The following BRINP2 variants were observed in gnomAD, a reference collection of about 807,000 sequenced individuals.
BRINP2 encodes the protein BMP/retinoic acid inducible neural specific 2.
A neutral mutation model predicts 69.2 loss-of-function variants in BRINP2; 21 were observed. The observed-to-expected ratio is 0.30, with a 90% CI of 0.22 to 0.44. BRINP2 has a LOEUF of 0.44. Among genes scored for constraint, BRINP2 ranks in the 20% least tolerant of loss-of-function variants. BRINP2 has a pLI of 1.00. For synonymous variants in BRINP2, 380 were observed against 394.1 expected, an observed-to-expected ratio of 0.96 and a Z score of 0.42; for missense variants, 877 against 986.0, an observed-to-expected ratio of 0.89 and a Z score of 1.48.
intron 2 of BRINP2, among the ~76,000 whole-genome samples, chr1:177,235,330 A>G (rs1183761922): frequency 1.3e-5 from 2 of 152,208 alleles, no homozygotes. Flanking sequence ...TGTACTGGAA[A>G]GACAGCATCC....
intron 2 of BRINP2, among the ~76,000 whole-genome samples, chr1:177,246,921 C>T (rs953581826): frequency 2.5e-4 from 38 of 152,138 alleles, no homozygotes; most frequent in Non-Finnish European, 2.9e-4. Context: ...GGAAATACTG[C>T]CTCTGTATTG....
intron 1 of BRINP2, among the ~76,000 whole-genome samples, chr1:177,223,532 G>A (rs1283874815): frequency 1.3e-5 from 2 of 152,174 alleles, no homozygotes; most frequent in African/African-American, 4.8e-5. Context: ...GGCAAGTGAG[G>A]TTAAGGAGAG....
At chr1:177,188,808 A>G (rs1029825373) in intron 1 of BRINP2, among the ~76,000 whole-genome samples, 1 of 123,798 alleles carries the variant, frequency 8.1e-6, no homozygotes, top group Non-Finnish European at 1.6e-5. Flanking sequence ...TTAAGAATTC[A>G]GTAATTGTTT....
At chr1:177,232,221 C>G (rs542576251) in intron 2 of BRINP2, among the ~76,000 whole-genome samples, 1 of 152,336 alleles carries the variant, frequency 6.6e-6, no homozygotes, top group South Asian at 2.1e-4. Context: ...CTCTCAGCTT[C>G]CTTATCCCCT....
chr1:177,239,388 C>T (rs1457259484), intron 2 of BRINP2, among the ~76,000 whole-genome samples: 2 of 152,208 alleles, frequency 1.3e-5, no homozygotes, highest in Non-Finnish European at 2.9e-5. Context: ...CGATGTAAAT[C>T]GAATTTCTGT....
intron 1 of BRINP2, among the ~76,000 whole-genome samples, chr1:177,179,063 A>G (rs763865901): frequency 3.9e-5 from 6 of 152,206 alleles, no homozygotes; most frequent in Non-Finnish European, 7.3e-5. Context: ...CTTGCCCAAG[A>G]CCACACAGCT....
At chr1:177,269,519 A>G (rs888745163) in intron 4 of BRINP2, among the ~76,000 whole-genome samples, 1 of 152,200 alleles carries the variant, frequency 6.6e-6, no homozygotes, top group African/African-American at 2.4e-5. Context: ...GGTGGACCCC[A>G]GGATGGAAAA....
At chr1:177,240,404 T>C (rs1337897529) in intron 2 of BRINP2, among the ~76,000 whole-genome samples, 2 of 152,216 alleles carry the variant, frequency 1.3e-5, no homozygotes, top group African/African-American at 4.8e-5. Flanking sequence ...ACATGCTGCA[T>C]ACATGGATTG....
At chr1:177,262,533 A>G (rs747549956) in intron 4 of BRINP2, among the ~76,000 whole-genome samples, 4 of 151,178 alleles carry the variant, frequency 2.6e-5, no homozygotes, top group Non-Finnish European at 5.9e-5. Context: ...AAGCCTCCAT[A>G]GAGAGGGAGA....
chr1:177,209,612 C>T (rs768042991), intron 1 of BRINP2, among the ~76,000 whole-genome samples: 12 of 152,260 alleles, frequency 7.9e-5, no homozygotes, highest in South Asian at 4.2e-4. Flanking sequence ...ACCCCAGCTC[C>T]GCCTCACGCA....
At chr1:177,176,382 C>G (rs913685024) in intron 1 of BRINP2, among the ~76,000 whole-genome samples, 1 of 152,032 alleles carries the variant, frequency 6.6e-6, no homozygotes, top group Non-Finnish European at 1.5e-5. Context: ...TTTTAATCTT[C>G]ATTACATGTT....
chr1:177,217,540 TC>T (rs1172695058), intron 1 of BRINP2, among the ~76,000 whole-genome samples: 2 of 152,208 alleles, frequency 1.3e-5, no homozygotes, highest in African/African-American at 4.8e-5. Context: ...TTTGTCACTT[TC>T]TTTTGGAGGT....
chr1:177,239,104 G>C (rs191515038), intron 2 of BRINP2, among the ~76,000 whole-genome samples: 1 of 152,292 alleles, frequency 6.6e-6, no homozygotes, highest in Middle Eastern at 3.4e-3. Context: ...ACAGTGTCTC[G>C]GGTTGTCACT....
In BRINP2 at chr1:177,216,643, A is replaced by G. The variant is rs191442269; in HGVS notation, c.-76-13158A>G. Reference sequence around the variant, plus strand: ...TTAGCATCTTTTAGTTTCAGTTAAAAGAACTCTCTTTTGCAATTCCTGCAA... The same window carrying G: ...TTAGCATCTTTTAGTTTCAGTTAAAGGAACTCTCTTTTGCAATTCCTGCAA... On this transcript the variant is annotated intron_variant, in intron 1 of 7. Transcript: ENST00000361539. Among the ~76,000 whole-genome samples the G allele has an allele frequency of 3.5e-3, 408 of 116,338 alleles. 2 individuals carry two copies. The highest frequency in any genetic ancestry group is 0.013 in the African/African-American group (394 of 30,096). 76.3% of individuals were successfully genotyped at this position (116,338 alleles called of 152,430 possible).
At chr1:177,225,517 A>T (rs1649667801) in intron 1 of BRINP2, among the ~76,000 whole-genome samples, 1 of 152,212 alleles carries the variant, frequency 6.6e-6, no homozygotes, top group Non-Finnish European at 1.5e-5. Flanking sequence ...GAAAAACTGA[A>T]GCACGATGGG....
At chr1:177,210,598 T>G (rs889975300) in intron 1 of BRINP2, among the ~76,000 whole-genome samples, 1 of 152,296 alleles carries the variant, frequency 6.6e-6, no homozygotes, top group Non-Finnish European at 1.5e-5. Flanking sequence ...GAGCATTTAA[T>G]ATATAGCTTG....
At chr1:177,203,037 T>C (rs1463917041) in intron 1 of BRINP2, among the ~76,000 whole-genome samples, 1 of 152,080 alleles carries the variant, frequency 6.6e-6, no homozygotes, top group Non-Finnish European at 1.5e-5. Context: ...CGTATGTTTA[T>C]TGTGGCACTA....
chr1:177,264,660 A>G (rs1651064047), intron 4 of BRINP2, among the ~76,000 whole-genome samples: 1 of 152,198 alleles, frequency 6.6e-6, no homozygotes, highest in Non-Finnish European at 1.5e-5. Context: ...CCTATACACC[A>G]ATAATAGACA....
At chr1:177,209,001 G>A (rs754058256) in intron 1 of BRINP2, among the ~76,000 whole-genome samples, 2 of 152,138 alleles carry the variant, frequency 1.3e-5, no homozygotes, top group African/African-American at 2.4e-5. Flanking sequence ...ATCACCAAGA[G>A]TGAGGCTTGT....
Sources: gnomAD v4.1 joint callset for allele counts (sites outside exome capture counted in the v4.1 genomes callset) on GRCh38, gnomAD v4.1.1 for gene constraint, MANE v1.5 for transcripts, NCBI Gene and HGNC (gene_info 2026-07-23, HGNC 2026-07-21) for gene names.